The following RSF1 variants were observed in gnomAD, a reference collection of about 807,000 sequenced individuals.
RSF1 encodes the protein remodeling and spacing factor 1.
RSF1 carries 13 observed loss-of-function variants against 145.2 expected under a neutral mutation model. That is an observed-to-expected ratio of 0.09 (90% CI 0.06 to 0.14). The LOEUF (loss-of-function observed/expected upper bound fraction) is 0.14. Among genes scored for constraint, RSF1 ranks in the 10% least tolerant of loss-of-function variants. The pLI is 1.00. For missense variants in RSF1, 1,517 were observed against 1,718.2 expected (o/e 0.88, Z 2.07); for synonymous variants, 577 against 592.6 (o/e 0.97, Z 0.38).
At chr11:77,779,013 C>A (rs1948376374) in intron 1 of RSF1, among the ~76,000 whole-genome samples, 1 of 150,678 alleles carries the variant, frequency 6.6e-6, no homozygotes, top group Non-Finnish European at 1.5e-5. Flanking sequence ...GGTACTATCT[C>A]AGCTCACTGC....
rs1555002928 is a variant in RSF1, at chr11:77,814,208, A to AAAAAG, written c.187+6319_187+6320insCTTTT. Reference sequence around the variant, plus strand: ...GAGCGAGACTGTCTCAAAAAAAAAAAAAGTTTTGGCCACAAGTGGTGACTC... The same window carrying AAAAAG: ...GAGCGAGACTGTCTCAAAAAAAAAAAAAAAGAAGTTTTGGCCACAAGTGGTGACTC... On this transcript the variant is annotated intron_variant, in intron 1 of 15. Coordinates refer to ENST00000308488, the MANE Select transcript of RSF1 (RefSeq NM_016578.4). Among the ~76,000 whole-genome samples the AAAAAG allele has an allele frequency of 2.7e-5, 4 of 148,042 alleles. 1 individual carries two copies. Among genetic ancestry groups the AAAAAG allele is most frequent in the Non-Finnish European group, 3.0e-5 (2 of 67,146 alleles).
At chr11:77,733,228 C>T (rs984187602) in intron 4 of RSF1, among the ~76,000 whole-genome samples, 1 of 152,100 alleles carries the variant, frequency 6.6e-6, no homozygotes, top group Non-Finnish European at 1.5e-5. Flanking sequence ...ACATTTGGTG[C>T]TGTAAGCCAT....
At chr11:77,730,295 T>C (rs562301273) in intron 4 of RSF1, among the ~76,000 whole-genome samples, 12 of 152,328 alleles carry the variant, frequency 7.9e-5, no homozygotes, top group African/African-American at 2.9e-4. Flanking sequence ...TTTGTAATTA[T>C]GGGTACATGA....
At chr11:77,690,801 A>G (rs888461520) in intron 9 of RSF1, among the ~76,000 whole-genome samples, 2 of 152,268 alleles carry the variant, frequency 1.3e-5, no homozygotes, top group Non-Finnish European at 2.9e-5. Flanking sequence ...TTGGCAGGTC[A>G]TAAGGTCTCT....
At chr11:77,803,165 T>C (rs1948643415) in intron 1 of RSF1, among the ~76,000 whole-genome samples, 1 of 151,948 alleles carries the variant, frequency 6.6e-6, no homozygotes, top group South Asian at 2.1e-4. Flanking sequence ...TTGTTTGTTT[T>C]GAAAGAGGGT....
chr11:77,851,809 G>C, the RSF1 span, among the ~76,000 whole-genome samples: 1 of 152,152 alleles, frequency 6.6e-6, no homozygotes, highest in African/African-American at 2.4e-5. Flanking sequence ...ACAGCCTGCA[G>C]AACTGTGAAG....
intron 4 of RSF1, among the ~76,000 whole-genome samples, chr11:77,735,779 C>T (rs986201162): frequency 3.3e-5 from 5 of 152,078 alleles, no homozygotes; most frequent in African/African-American, 4.8e-5. Context: ...GCTCTGTTGT[C>T]GCCAGGCTGG....
intron 2 of RSF1, among the ~76,000 whole-genome samples, chr11:77,758,879 T>G (rs1452136860): frequency 6.6e-6 from 1 of 152,248 alleles, no homozygotes; most frequent in South Asian, 2.1e-4. Flanking sequence ...GCAATATAAC[T>G]TCTTCCATTC....
intron 4 of RSF1, among the ~76,000 whole-genome samples, chr11:77,734,310 G>A (rs79346535): frequency 0.15 from 14,998 of 97,016 alleles, 1,067 homozygotes; most frequent in East Asian, 0.36. Flanking sequence ...ACTTTTTTTG[G>A]GGGGGGGTAC....
chr11:77,711,583 T>C (rs978268972), intron 5 of RSF1, among the ~76,000 whole-genome samples: 5 of 152,072 alleles, frequency 3.3e-5, no homozygotes, highest in African/African-American at 9.7e-5. Context: ...GGCAGGAGAA[T>C]TGCTTGCATC....
chr11:77,801,913 C>A (rs1357491937), intron 1 of RSF1, among the ~76,000 whole-genome samples: 1 of 151,646 alleles, frequency 6.6e-6, no homozygotes, highest in Admixed American at 6.6e-5. Flanking sequence ...TGACTGTAAT[C>A]CCAGTACTTT....
chr11:77,722,280 G>C (rs906413212), intron 5 of RSF1, among the ~76,000 whole-genome samples: 6 of 152,148 alleles, frequency 3.9e-5, no homozygotes, highest in African/African-American at 1.4e-4. Flanking sequence ...TTTTCTCTTA[G>C]TTGTGTTGAG....
chr11:77,783,979 CAAATGTCTGT>C (rs1413956826), intron 1 of RSF1, among the ~76,000 whole-genome samples: 3 of 152,136 alleles, frequency 2.0e-5, no homozygotes, highest in African/African-American at 7.2e-5. Context: ...GACAAACATA[CAAATGTCTGT>C]AAATGTTTGT....
the RSF1 span, among the ~76,000 whole-genome samples, chr11:77,865,442 G>A: frequency 2.8e-4 from 43 of 152,292 alleles, no homozygotes; most frequent in African/African-American, 9.4e-4. Flanking sequence ...GCATGGCAGG[G>A]CTCTAACTTG....
intron 1 of RSF1, among the ~76,000 whole-genome samples, chr11:77,786,597 C>T (rs949506745): frequency 6.6e-6 from 1 of 152,098 alleles, no homozygotes; most frequent in African/African-American, 2.4e-5. Context: ...GGTTAGCATA[C>T]AGTAGACACT....
upstream of RSF1, among the ~76,000 whole-genome samples, chr11:77,824,932 C>A (rs2136031926): frequency 6.6e-6 from 1 of 152,208 alleles, no homozygotes; most frequent in Middle Eastern, 3.4e-3. Context: ...ATACACATTT[C>A]TGTCTCCTTC....
the RSF1 span, among the ~76,000 whole-genome samples, chr11:77,828,281 A>G: frequency 1.3e-5 from 2 of 152,112 alleles, no homozygotes; most frequent in Non-Finnish European, 2.9e-5. Flanking sequence ...TCTCAAAAAA[A>G]CAAAATACAC....
the RSF1 span, among the ~76,000 whole-genome samples, chr11:77,856,193 G>A: frequency 3.1e-3 from 467 of 152,260 alleles, 2 homozygotes; most frequent in African/African-American, 0.01. Flanking sequence ...AGATCTCTAG[G>A]GCAGGGGCAC....
chr11:77,772,845 A>AT (rs1267268772), intron 1 of RSF1, among the ~76,000 whole-genome samples: 1 of 108,146 alleles, frequency 9.2e-6, no homozygotes, highest in Non-Finnish European at 1.9e-5. Context: ...GTTGCCCAAG[A>AT]TGGAAAAAAA....
Sources: allele counts gnomAD v4.1 joint callset (sites outside exome capture counted in the v4.1 genomes callset), GRCh38; gene constraint gnomAD v4.1.1; transcripts MANE v1.5; gene names NCBI Gene and HGNC (gene_info 2026-07-23, HGNC 2026-07-21).